Variants in CRHBP observed in about 807,000 individuals in gnomAD.
The protein encoded by CRHBP is corticotropin-releasing hormone-binding protein.
Under a neutral mutation model 34.9 loss-of-function variants are expected in CRHBP, and 19 were observed. The observed-to-expected ratio is 0.55, with a 90% CI of 0.38 to 0.80. The LOEUF is 0.80. Ranked by LOEUF, CRHBP falls within the 30% of genes least tolerant of loss-of-function variation. CRHBP has a pLI of 0.00. For missense variants in CRHBP, 328 were observed against 409.2 expected (o/e 0.80, Z 1.71); for synonymous variants, 154 against 153.4 (o/e 1.00, Z -0.03).
chr5:76,959,038 C>A, intron 5 of CRHBP, 149 bp downstream of exon 5: 1 of 709,654 alleles, frequency 1.4e-6, no homozygotes, highest in Non-Finnish European at 2.1e-6. Flanking sequence ...TTTGCCCTAG[C>A]TGCTTTGACT....
chr5:76,967,692 A>C (rs761827766), intron 6 of CRHBP, among the ~76,000 whole-genome samples: 2 of 151,810 alleles, frequency 1.3e-5, no homozygotes, highest in Non-Finnish European at 2.9e-5. Flanking sequence ...TAAATAATGA[A>C]TAAGATTGGA....
intron 2 of CRHBP, chr5:76,976,270 T>C (rs1024010409): frequency 6.6e-6 from 1 of 152,124 alleles, no homozygotes. Flanking sequence ...TAACAAGGTA[T>C]TGATGAAGCC....
chr5:76,975,231 T>A (rs1746007687), intron 2 of CRHBP, among the ~76,000 whole-genome samples: 1 of 152,212 alleles, frequency 6.6e-6, no homozygotes, highest in African/African-American at 2.4e-5. Context: ...GCTACTGTGA[T>A]TTCAGGGATA....
At chr5:76,978,198 A>G (rs1746068098) in intron 3 of CRHBP, among the ~76,000 whole-genome samples, 1 of 152,204 alleles carries the variant, frequency 6.6e-6, no homozygotes, top group South Asian at 2.1e-4. Context: ...CTGCAGCAAG[A>G]TCATTGATGA....
downstream of CRHBP, among the ~76,000 whole-genome samples, chr5:76,969,893 T>A (rs1745919890): frequency 7.4e-5 from 11 of 148,972 alleles, no homozygotes; most frequent in Admixed American, 7.4e-4. Context: ...GTAAAAGACA[T>A]CTTGGAGCAA....
At position 76,953,642 on chromosome 5, in the gene CRHBP, C is replaced by T. The variant is rs1176260390; in HGVS notation, c.123C>T (p.Ser41=). The T allele has an allele frequency of 2.5e-6, 4 of 1,612,308 alleles. No homozygotes were observed. Among genetic ancestry groups the T allele is most frequent in the South Asian group, 1.1e-5 (1 of 90,604 alleles). ...AADYDPFLLF[S]ANLKRELAGE... ...ACTACGATCCTTTCCTGCTCTTCAGCGCCAACCTGAAGCGGGAGCTGGCTG... is the reference window on the plus strand; with the variant it reads ...ACTACGATCCTTTCCTGCTCTTCAGTGCCAACCTGAAGCGGGAGCTGGCTG... The change falls in exon 2 of 7, where the codon AGC becomes AGT. Residue 41 remains serine (S), a synonymous_variant. Transcript: ENST00000274368.
chr5:76,961,920 A>AT lies in CRHBP; in HGVS notation c.694-1418dup, dbSNP rs749406586. On this transcript the variant is annotated intron_variant, in intron 5 of 6. Transcript: ENST00000274368. Reference sequence around the variant, plus strand: ...AGGTGTGTGCCACCGCGCTTGGCTAATTTTTGTATTTTTAGTGGAGACGGG... The same window carrying AT: ...AGGTGTGTGCCACCGCGCTTGGCTAATTTTTTGTATTTTTAGTGGAGACGGG... 4.3e-4 allele frequency among the ~76,000 whole-genome samples: 66 copies of AT among 151,980 alleles called. 1 individual carries two copies. The highest frequency in any genetic ancestry group is 1.5e-3 in the African/African-American group (63 of 41,478).
intron 6 of CRHBP, 54 bp from the exon 7 acceptor site, chr5:76,968,674 G>A: frequency 6.5e-7 from 1 of 1,542,604 alleles, no homozygotes; most frequent in Non-Finnish European, 8.8e-7. Flanking sequence ...TTTAAATGAT[G>A]ACTGTGTGGT....
intron 6 of CRHBP, 31 bp from the exon 7 acceptor site, chr5:76,968,697 G>T (rs1179558092): frequency 6.3e-7 from 1 of 1,579,220 alleles, no homozygotes; most frequent in Non-Finnish European, 8.6e-7. Flanking sequence ...CTAACCTGCT[G>T]GGAAACTTTT....
chr5:76,963,305 GT>G lies in CRHBP; in HGVS notation c.694-35del, dbSNP rs1462064982. On this transcript the variant is annotated intron_variant, in intron 5 of 6. Coordinates refer to ENST00000274368, the MANE Select transcript of CRHBP (RefSeq NM_001882.4). ...TCAAATGGTTTGACTTCTGTAATTG[GT>G]TTAAATGTGTCTTTCTCTGCTGCTT... 3.2e-6 allele frequency: 5 copies of G among 1,578,190 alleles called. No individual in the cohort carries two copies. The South Asian group carries it at 5.5e-5, about 17-fold the overall frequency.
rs554985439 is a variant in CRHBP at position 76,953,336 on chromosome 5, T to C, written c.81+121T>C. ...TGTTTCTTCCCTCTCTGCTGGATGCTGTCTTGCCCCTGGTTTCCCCTATCC... is the reference window on the plus strand; with the variant it reads ...TGTTTCTTCCCTCTCTGCTGGATGCCGTCTTGCCCCTGGTTTCCCCTATCC... On this transcript the variant is annotated intron_variant, in intron 1 of 6. Coordinates refer to ENST00000274368, the MANE Select transcript of CRHBP (RefSeq NM_001882.4). 4.1e-6 allele frequency: 4 copies of C among 970,702 alleles called. No homozygotes were observed. The East Asian group carries it at 7.8e-5, about 19-fold the overall frequency. 60.1% of individuals were successfully genotyped at this position (970,702 alleles called of 1,614,324 possible).
Position 76,968,834 on chromosome 5 carries a change from GGAAAACCCAAAT to G in CRHBP, c.920_931del (p.Glu307_Asn310del). On this transcript the variant is annotated inframe_deletion, in exon 7 of 7. Transcript: ENST00000274368. ...ATCGTCAGCTGGAGCCGTACGAGCT[GGAAAACCCAAAT>G]GGAAACAGTATCGGGGAATTCTGTT... 6.2e-7 allele frequency: 1 copy of G among 1,614,084 alleles called. No individual in the cohort carries two copies. The highest frequency in any genetic ancestry group is 8.5e-7 in the Non-Finnish European group (1 of 1,179,996).
At chr5:76,954,215 C>A in intron 3 of CRHBP, 29 bp downstream of exon 3, 1 of 1,605,348 alleles carries the variant, frequency 6.2e-7, no homozygotes, top group Non-Finnish European at 8.5e-7. Flanking sequence ...GCCAACCTAG[C>A]CGGAGGGCGG....
intron 3 of CRHBP, among the ~76,000 whole-genome samples, chr5:76,977,264 T>G (rs1027670783): frequency 1.3e-5 from 2 of 152,242 alleles, no homozygotes; most frequent in African/African-American, 4.8e-5. Context: ...TAATATTTAT[T>G]GAATACGAAG....
chr5:76,980,982 C>G (rs1183020379), exon 4 of CRHBP: 1 of 152,222 alleles, frequency 6.6e-6, no homozygotes, highest in African/African-American at 2.4e-5. Flanking sequence ...CCCTTGTTCA[C>G]TATCAAACTG....
At chr5:76,961,026 C>T (rs936805611) in intron 5 of CRHBP, among the ~76,000 whole-genome samples, 1 of 152,118 alleles carries the variant, frequency 6.6e-6, no homozygotes, top group Non-Finnish European at 1.5e-5. Context: ...CTCGGCCTCC[C>T]AAAGTGCTGG....
At chr5:76,961,744 GTTTGT>G (rs537168758) in intron 5 of CRHBP, among the ~76,000 whole-genome samples, 13 of 151,844 alleles carry the variant, frequency 8.6e-5, no homozygotes, top group Admixed American at 3.9e-4. Flanking sequence ...GTGTTTTTTT[GTTTGT>G]TTTGTTTTGT....
chr5:76,975,936 G>GTATATA (rs10598432), intron 2 of CRHBP, among the ~76,000 whole-genome samples: 1 of 135,280 alleles, frequency 7.4e-6, no homozygotes, highest in Non-Finnish European at 1.5e-5. Flanking sequence ...ATGTGTGTGT[G>GTATATA]TATATATATA....
Position 76,953,052 on chromosome 5 carries a change from A to T in CRHBP, c.-83A>T. The T allele has an allele frequency of 2.1e-6, 3 of 1,400,032 alleles. No homozygotes were observed. The highest frequency in any genetic ancestry group is 3.0e-6 in the Non-Finnish European group (3 of 988,110). 86.7% of individuals were successfully genotyped at this position (1,400,032 alleles called of 1,614,324 possible). ...CAGCAAAGGGACCCTACCAGCTTCTAGCTCTCAGTCTGCGCGAGGGTGTAG... is the reference window on the plus strand; with the variant it reads ...CAGCAAAGGGACCCTACCAGCTTCTTGCTCTCAGTCTGCGCGAGGGTGTAG... On this transcript the variant is annotated 5_prime_UTR_variant, in exon 1 of 7. Coordinates refer to ENST00000274368, the MANE Select transcript of CRHBP (RefSeq NM_001882.4).
Sources: gnomAD v4.1 joint callset for allele counts (sites outside exome capture counted in the v4.1 genomes callset) on GRCh38, gnomAD v4.1.1 for gene constraint, MANE v1.5 for transcripts, NCBI Gene and HGNC (gene_info 2026-07-23, HGNC 2026-07-21) for gene names.